The following PCGF6 variants were observed in gnomAD, a reference collection of about 807,000 sequenced individuals.
The protein encoded by PCGF6 is polycomb group RING finger protein 6.
Under a neutral mutation model 45.5 loss-of-function variants are expected in PCGF6, and 24 were observed. That is an observed-to-expected ratio of 0.53 (90% CI 0.38 to 0.74). The LOEUF (loss-of-function observed/expected upper bound fraction) is 0.74, where lower values mean the gene tolerates loss of function less well. Ranked by LOEUF, PCGF6 falls within the 30% of genes least tolerant of loss-of-function variation. The pLI is 0.00. For synonymous variants in PCGF6, 152 were observed against 162.1 expected, an observed-to-expected ratio of 0.94 and a Z score of 0.47; for missense variants, 356 against 443.2, an observed-to-expected ratio of 0.80 and a Z score of 1.77.
At position 103,326,631 on chromosome 10, in the gene PCGF6, G is replaced by A. The variant is rs781093373; in HGVS notation, c.812C>T (p.Pro271Leu). 16 of 1,608,616 alleles carry A rather than the reference G, an allele frequency of 9.9e-6. No individual in the cohort carries two copies. In the Admixed American group the frequency reaches 2.1e-4, roughly 21 times the overall value. The change falls in exon 8 of 10, where the codon CCA (proline) becomes CTA (leucine). Residue 271 changes from proline (P) to leucine (L), a missense_variant and splice_region_variant. Transcript: ENST00000369847. ...GANEGTGHFK[P>L]LEKKFVRVSG... ...AACTCGAACAAACTTCTTTTCCAAT[G>A]GCTACAAAAACAGACAGATAAAACT...
Position 103,314,237 on chromosome 10 carries a change from C to G in PCGF6, c.945G>C (p.Gln315His). The change falls in exon 9 of 10, where the codon CAG becomes CAC. Residue 315 changes from glutamine to histidine, a missense_variant. By Grantham distance (24) the Gln-to-His change is conservative. Around this residue, in one of 2 missense-constraint regions of PCGF6, gnomAD observed 49 missense variants for 93.0 expected, o/e 0.53. Coordinates refer to ENST00000369847, the MANE Select transcript of PCGF6 (RefSeq NM_001011663.2). ...DIICGDHLLE[Q>H]YQTLREIRRA... ...GTCGGATTTCCCTTAGAGTTTGATACTGCTCCAACAGGTGATCACCACAGA... is the reference window on the plus strand; with the variant it reads ...GTCGGATTTCCCTTAGAGTTTGATAGTGCTCCAACAGGTGATCACCACAGA... 1.2e-6 allele frequency: 2 copies of G among 1,604,428 alleles called. No individual in the cohort carries two copies. The highest frequency in any genetic ancestry group is 1.7e-6 in the Non-Finnish European group (2 of 1,173,310).
intron 6 of PCGF6, 63 bp downstream of exon 6, chr10:103,344,961 A>G (rs1387904231): frequency 1.8e-6 from 2 of 1,128,802 alleles, no homozygotes; most frequent in Admixed American, 2.3e-5. Context: ...TGAGTTCACA[A>G]TGATTTCCTA....
At chr10:103,314,776 C>T (rs1313128961) in intron 8 of PCGF6, among the ~76,000 whole-genome samples, 7 of 151,542 alleles carry the variant, frequency 4.6e-5, no homozygotes, top group African/African-American at 1.7e-4. Context: ...ATGGTGAAAC[C>T]CTGTCTCTAC....
chr10:103,309,362 A>G (rs1489981970), intron 9 of PCGF6, among the ~76,000 whole-genome samples: 22 of 152,142 alleles, frequency 1.4e-4, no homozygotes, highest in Admixed American at 1.4e-3. Context: ...TCCCTTTGGT[A>G]ATGTCCTCAC....
chr10:103,319,134 G>C (rs1040927672), intron 8 of PCGF6, among the ~76,000 whole-genome samples: 8 of 152,068 alleles, frequency 5.3e-5, no homozygotes, highest in African/African-American at 1.7e-4. Context: ...AGCCACACTG[G>C]CTCATTCCTT....
At chr10:103,330,068 T>C (rs1246559125) in intron 7 of PCGF6, among the ~76,000 whole-genome samples, 1 of 150,326 alleles carries the variant, frequency 6.7e-6, no homozygotes, top group Admixed American at 6.7e-5. Flanking sequence ...GTGCCCGGCC[T>C]GTTTTTTGTT....
At chr10:103,308,626 C>T (rs978471893) in intron 9 of PCGF6, among the ~76,000 whole-genome samples, 15 of 152,010 alleles carry the variant, frequency 9.9e-5, no homozygotes, top group African/African-American at 3.1e-4. Flanking sequence ...AATCCCAGCA[C>T]TTTGGAAAGC....
intron 6 of PCGF6, among the ~76,000 whole-genome samples, chr10:103,339,614 C>A (rs373983716): frequency 3.6e-4 from 54 of 149,710 alleles, no homozygotes; most frequent in African/African-American, 1.1e-3. Flanking sequence ...CATGGTGAAA[C>A]CCCATCTCTA....
intron 6 of PCGF6, among the ~76,000 whole-genome samples, chr10:103,340,196 AAAAT>A (rs545789322): frequency 0.038 from 3,816 of 99,344 alleles, 50 homozygotes; most frequent in South Asian, 0.083. Flanking sequence ...AAAAAAAAAA[AAAAT>A]ATATATATAT....
chr10:103,345,508 C>CTT (rs113103280), intron 5 of PCGF6, among the ~76,000 whole-genome samples: 1 of 147,996 alleles, frequency 6.8e-6, no homozygotes, highest in Non-Finnish European at 1.5e-5. Flanking sequence ...AGTGCTACTG[C>CTT]TTTTTTTTTT....
At chr10:103,338,452 G>A (rs1324717040) in intron 6 of PCGF6, among the ~76,000 whole-genome samples, 5 of 151,568 alleles carry the variant, frequency 3.3e-5, no homozygotes, top group Admixed American at 2.6e-4. Context: ...GGCTGAGGCA[G>A]GAGAATGGCA....
chr10:103,342,008 T>G (rs1349052551), intron 6 of PCGF6, among the ~76,000 whole-genome samples: 1 of 151,962 alleles, frequency 6.6e-6, no homozygotes, highest in African/African-American at 2.4e-5. Flanking sequence ...CAATCTCAGC[T>G]CACTGCAACG....
rs2093124788 is a variant in PCGF6, at chr10:103,303,043, AG to A, written c.*861del. ...CTCAAACACCCTTATTCTTTATTGC[AG>A]TGATGAAATAATGAGAAAAATAAAC... On this transcript the variant is annotated 3_prime_UTR_variant, in exon 10 of 10. Transcript: ENST00000369847. 6.5e-6 allele frequency: 1 copy of A among 152,684 alleles called. No homozygotes were observed. Among genetic ancestry groups the A allele is most frequent in the Non-Finnish European group, 1.5e-5 (1 of 68,050 alleles). The allele number at this position is 152,684 out of a possible 1,614,324, so 9.5% of individuals were successfully genotyped here. A position where few individuals can be genotyped will look rare whatever the true frequency, so the allele number is the denominator to read the frequency against.
At chr10:103,330,437 TACAA>T (rs1421269280) in intron 7 of PCGF6, among the ~76,000 whole-genome samples, 4 of 152,242 alleles carry the variant, frequency 2.6e-5, no homozygotes, top group African/African-American at 9.6e-5. Flanking sequence ...CCAAGCAAAT[TACAA>T]ACAATGTTTC....
chr10:103,304,888 G>A (rs578199889), intron 9 of PCGF6, among the ~76,000 whole-genome samples: 1 of 152,174 alleles, frequency 6.6e-6, no homozygotes, highest in East Asian at 1.9e-4. Flanking sequence ...CAATCTGCCT[G>A]TCTCAGACTC....
At chr10:103,340,380 T>C (rs866498059) in intron 6 of PCGF6, among the ~76,000 whole-genome samples, 21 of 151,842 alleles carry the variant, frequency 1.4e-4, no homozygotes, top group Non-Finnish European at 2.6e-4. Context: ...ACTTTAGTAA[T>C]GGTAATGACT....
intron 8 of PCGF6, among the ~76,000 whole-genome samples, chr10:103,315,340 C>T (rs771889710): frequency 6.6e-6 from 1 of 152,016 alleles, no homozygotes; most frequent in Non-Finnish European, 1.5e-5. Flanking sequence ...TGTGCACCAC[C>T]ACATCTGGCA....
intron 1 of PCGF6, among the ~76,000 whole-genome samples, chr10:103,349,278 C>T (rs931793396): frequency 6.6e-6 from 1 of 151,642 alleles, no homozygotes. Context: ...GAACCCCTGG[C>T]CTCAGGTGAT....
At chr10:103,338,566 CCATAAAACACA>C (rs1269217910) in intron 6 of PCGF6, among the ~76,000 whole-genome samples, 2 of 147,162 alleles carry the variant, frequency 1.4e-5, no homozygotes, top group Non-Finnish European at 3.0e-5. Flanking sequence ...AAAAAGAAGA[CCATAAAACACA>C]CATACCCTGT....
Sources: gnomAD v4.1 joint callset for allele counts (sites outside exome capture counted in the v4.1 genomes callset) on GRCh38, gnomAD v4.1.1 for gene constraint, gnomAD v4.1.1 regional missense constraint, MANE v1.5 for transcripts, NCBI Gene and HGNC (gene_info 2026-07-23, HGNC 2026-07-21) for gene names.